CAMK1D: variants seen among roughly 807,000 people sequenced by gnomAD.
CAMK1D encodes calcium/calmodulin-dependent protein kinase type 1D.
In CAMK1D, 9 loss-of-function variants were observed where a neutral mutation model predicts 47.7. The ratio of observed to expected loss-of-function variants is 0.19; its 90% confidence interval spans 0.11 to 0.33. The LOEUF is 0.33. Ranked by LOEUF, CAMK1D falls within the 10% of genes least tolerant of loss-of-function variation. CAMK1D has a pLI of 1.00. For synonymous variants in CAMK1D, 184 were observed against 184.9 expected (o/e 0.99, Z 0.04); for missense variants, 291 against 488.7 (o/e 0.60, Z 3.81).
Position 12,772,185 on chromosome 10 carries a change from T to C in CAMK1D, c.565+2386T>C, listed in dbSNP as rs375970118. 1.4e-4 allele frequency among the ~76,000 whole-genome samples: 21 copies of C among 151,048 alleles called. No individual in the cohort carries two copies. In the East Asian group the frequency reaches 3.9e-3, roughly 28 times the overall value. ...CTGGGGTGGTGACGGGAGGAAAGAG[T>C]GTGTGTGGTATATTCATGGAATTTC... On this transcript the variant is annotated intron_variant, in intron 5 of 10. Transcript: ENST00000619168.
chr10:12,635,281 C>G (rs868287605), intron 2 of CAMK1D, among the ~76,000 whole-genome samples: 1 of 152,166 alleles, frequency 6.6e-6, no homozygotes, highest in Non-Finnish European at 1.5e-5. Flanking sequence ...CACTGAGAAT[C>G]GTCATTTCCT....
At chr10:12,663,078 C>A (rs1374951513) in intron 2 of CAMK1D, among the ~76,000 whole-genome samples, 1 of 152,202 alleles carries the variant, frequency 6.6e-6, no homozygotes, top group Non-Finnish European at 1.5e-5. Context: ...TGTCCTGCCT[C>A]AGCCTCTGAG....
At chr10:12,384,556 G>A (rs1232389606) in intron 1 of CAMK1D, among the ~76,000 whole-genome samples, 1 of 152,130 alleles carries the variant, frequency 6.6e-6, no homozygotes, top group African/African-American at 2.4e-5. Flanking sequence ...TCTTTTGACT[G>A]TCTTATTGGT....
chr10:12,435,219 C>T (rs1344108097), intron 1 of CAMK1D, among the ~76,000 whole-genome samples: 1 of 73,156 alleles, frequency 1.4e-5, no homozygotes, highest in Non-Finnish European at 2.6e-5. Context: ...GAAACTCTGT[C>T]TCAAAAAAAA....
chr10:12,472,193 C>T (rs1308159866), intron 1 of CAMK1D, among the ~76,000 whole-genome samples: 4 of 152,242 alleles, frequency 2.6e-5, no homozygotes, highest in East Asian at 1.9e-4. Context: ...TGTGGGGACA[C>T]GCTGAGACAC....
chr10:12,619,582 C>T (rs1231424561), intron 2 of CAMK1D, among the ~76,000 whole-genome samples: 2 of 151,910 alleles, frequency 1.3e-5, no homozygotes, highest in Non-Finnish European at 2.9e-5. Flanking sequence ...GCTACCATCC[C>T]CTACTTGGAT....
At position 12,485,527 on chromosome 10, in the gene CAMK1D, G is replaced by A. The variant is rs112428890; in HGVS notation, c.93-67698G>A. On this transcript the variant is annotated intron_variant, in intron 1 of 10. Coordinates refer to ENST00000619168, the MANE Select transcript of CAMK1D (RefSeq NM_153498.4). ...AGGAGAGGGGAGGGCTGGTCACAGG[G>A]AGCCGGTGGGTCTGCAGGCTGCAGA... Among the ~76,000 whole-genome samples the A allele has an allele frequency of 3.0e-3, 456 of 152,282 alleles. 5 individuals are homozygous for A. Among genetic ancestry groups the A allele is most frequent in the African/African-American group, 0.01 (429 of 41,538 alleles).
At chr10:12,498,336 A>G (rs1000173714) in intron 1 of CAMK1D, among the ~76,000 whole-genome samples, 1 of 152,246 alleles carries the variant, frequency 6.6e-6, no homozygotes, top group Non-Finnish European at 1.5e-5. Flanking sequence ...CCAGATGGAA[A>G]GAGCTCATTT....
intron 3 of CAMK1D, among the ~76,000 whole-genome samples, chr10:12,711,888 G>A (rs775102108): frequency 3.9e-5 from 6 of 152,142 alleles, no homozygotes; most frequent in African/African-American, 7.2e-5. Context: ...ATAAAATTCT[G>A]TCCTTATATT....
At chr10:12,675,618 C>T (rs1840780976) in intron 3 of CAMK1D, among the ~76,000 whole-genome samples, 1 of 152,222 alleles carries the variant, frequency 6.6e-6, no homozygotes, top group Admixed American at 6.5e-5. Context: ...TTCCAAACCA[C>T]CATATAAAAC....
rs116785535 is a variant in CAMK1D, at chr10:12,433,874, G to A, written c.92+83964G>A. ...TCCTAACATACACAGACTTCCTGTC[G>A]TTGGGTGGGGATTTCAGGTCCCCCA... is the stretch of plus-strand genomic sequence containing the variant. On this transcript the variant is annotated intron_variant, in intron 1 of 10. Transcript: ENST00000619168. Among the ~76,000 whole-genome samples, 527 of 152,322 alleles carry A rather than the reference G, an allele frequency of 3.5e-3. 4 individuals are homozygous for A. Among genetic ancestry groups the A allele is most frequent in the African/African-American group, 0.012 (512 of 41,572 alleles).
chr10:12,783,338 CCT>C (rs1837583699), intron 5 of CAMK1D, among the ~76,000 whole-genome samples: 1 of 152,172 alleles, frequency 6.6e-6, no homozygotes, highest in Non-Finnish European at 1.5e-5. Flanking sequence ...GAGGACTGCC[CCT>C]GTCCCCCAGG....
chr10:12,745,548 G>GCCAT (rs572362545), intron 3 of CAMK1D, among the ~76,000 whole-genome samples: 2 of 152,028 alleles, frequency 1.3e-5, no homozygotes, highest in South Asian at 4.1e-4. Context: ...GCTGTATATG[G>GCCAT]ATTTTTGTTT....
intron 3 of CAMK1D, among the ~76,000 whole-genome samples, chr10:12,734,509 CATATATATACACGT>C (rs1564524700): frequency 2.1e-5 from 3 of 140,584 alleles, no homozygotes; most frequent in Admixed American, 7.1e-5. Context: ...TACACACACA[CATATATATACACGT>C]ATATATATAC....
At chr10:12,356,518 C>T (rs1468181519) in intron 1 of CAMK1D, among the ~76,000 whole-genome samples, 6 of 151,910 alleles carry the variant, frequency 3.9e-5, no homozygotes, top group South Asian at 2.1e-4. Context: ...GTCAGGAGTT[C>T]GAGAGCAGCC....
chr10:12,547,813 C>T (rs1420551247), intron 1 of CAMK1D, among the ~76,000 whole-genome samples: 1 of 152,138 alleles, frequency 6.6e-6, no homozygotes, highest in African/African-American at 2.4e-5. Flanking sequence ...CAAGTGATTT[C>T]TATTTATTGT....
intron 1 of CAMK1D, among the ~76,000 whole-genome samples, chr10:12,386,041 T>C (rs10906141): frequency 0.83 from 126,619 of 152,252 alleles, 53,648 homozygotes; most frequent in South Asian, 0.91. Flanking sequence ...CCACTGTGTC[T>C]GGCCTGAATT....
intron 2 of CAMK1D, among the ~76,000 whole-genome samples, chr10:12,616,824 AG>A (rs1838839594): frequency 6.6e-6 from 1 of 152,184 alleles, no homozygotes; most frequent in African/African-American, 2.4e-5. Context: ...GCCGAGGTCA[AG>A]TATCTTCTCA....
intron 2 of CAMK1D, among the ~76,000 whole-genome samples, chr10:12,601,901 CAGCTG>C (rs1230138450): frequency 2.0e-5 from 3 of 152,244 alleles, no homozygotes; most frequent in Non-Finnish European, 2.9e-5. Flanking sequence ...GTGGACAAGG[CAGCTG>C]AGCTCTTAGG....
Sources: gnomAD v4.1 joint callset for allele counts (sites outside exome capture counted in the v4.1 genomes callset) on GRCh38, gnomAD v4.1.1 for gene constraint, MANE v1.5 for transcripts, NCBI Gene and HGNC (gene_info 2026-07-23, HGNC 2026-07-21) for gene names.